Variants in OSBPL2 observed in about 807,000 individuals in gnomAD.
The protein encoded by OSBPL2 is oxysterol binding protein like 2.
OSBPL2 carries 18 observed loss-of-function variants against 58.4 expected under a neutral mutation model. The observed-to-expected ratio is 0.31, with a 90% CI of 0.21 to 0.46. OSBPL2 has a LOEUF of 0.46. Among genes scored for constraint, OSBPL2 ranks in the 20% least tolerant of loss-of-function variants. The probability of loss-of-function intolerance (pLI) is 1.00; values close to 1 mark genes in which losing one functional copy is unlikely to be tolerated. For synonymous variants in OSBPL2, 221 were observed against 234.1 expected, an observed-to-expected ratio of 0.94 and a Z score of 0.51; for missense variants, 461 against 616.5, an observed-to-expected ratio of 0.75 and a Z score of 2.67.
At chr20:62,256,304 G>T (rs1980920138) in intron 2 of OSBPL2, 83 bp downstream of exon 2, 1 of 1,272,390 alleles carries the variant, frequency 7.9e-7, no homozygotes. Context: ...CGTTTGGGGT[G>T]TAAAGATGCT....
intron 4 of OSBPL2, among the ~76,000 whole-genome samples, chr20:62,266,480 T>C (rs563865630): frequency 6.6e-6 from 1 of 152,266 alleles, no homozygotes; most frequent in South Asian, 2.1e-4. Context: ...TCTGCAGTGA[T>C]TGGCTGTGGC....
At chr20:62,254,690 T>C (rs1224286084) in intron 1 of OSBPL2, among the ~76,000 whole-genome samples, 1 of 152,258 alleles carries the variant, frequency 6.6e-6, no homozygotes, top group East Asian at 1.9e-4. Flanking sequence ...CCCTCAGAAC[T>C]GTGCAGAGAG....
chr20:62,239,086 C>T (rs1176214002), intron 1 of OSBPL2: 1 of 152,162 alleles, frequency 6.6e-6, no homozygotes, highest in African/African-American at 2.4e-5. Flanking sequence ...CGAGTTCCGC[C>T]GGGAAGAAGG....
intron 11 of OSBPL2, 137 bp downstream of exon 11, chr20:62,286,848 G>A: frequency 9.7e-7 from 1 of 1,033,228 alleles, no homozygotes; most frequent in Non-Finnish European, 1.4e-6. Context: ...AGCAGACAGG[G>A]GCCTCCGCCA....
Position 62,288,935 on chromosome 20 carries a change from G to C in OSBPL2, c.1126-272G>C, listed in dbSNP as rs1273413719. On this transcript the variant is annotated intron_variant, in intron 11 of 13. Transcript: ENST00000313733. The surrounding 1 kb of genome is among the most constrained non-coding windows in gnomAD (Gnocchi z 4.8). ...TTTCCAGCAAGCTGGTGACAAATCT[G>C]TTGATGAGATTGTAAAGACAGAAAA... is the stretch of plus-strand genomic sequence containing the variant. 1.3e-5 allele frequency among the ~76,000 whole-genome samples: 2 copies of C among 152,144 alleles called. No homozygotes were observed. Among genetic ancestry groups the C allele is most frequent in the Non-Finnish European group, 2.9e-5 (2 of 68,030 alleles).
In OSBPL2 at chr20:62,294,241, G is replaced by A. The variant is rs1408644950; in HGVS notation, c.*354G>A. On this transcript the variant is annotated 3_prime_UTR_variant, in exon 14 of 14. Coordinates refer to ENST00000313733, the MANE Select transcript of OSBPL2 (RefSeq NM_144498.4). ...TAGCTAAAGGAAGTAATGGGAAGGG[G>A]TTCATGTTCTCTTTATAATGCAGTG... The A allele has an allele frequency of 3.5e-6, 1 of 286,332 alleles. No individual in the cohort carries two copies. Among genetic ancestry groups the A allele is most frequent in the African/African-American group, 2.2e-5 (1 of 44,708 alleles). 17.7% of individuals were successfully genotyped at this position (286,332 alleles called of 1,614,324 possible). A position where few individuals can be genotyped will look rare whatever the true frequency, so the allele number is the denominator to read the frequency against.
chr20:62,270,064 T>G (rs1270643007), intron 4 of OSBPL2, among the ~76,000 whole-genome samples: 1 of 152,232 alleles, frequency 6.6e-6, no homozygotes. Context: ...ACGCTGAGTT[T>G]TGGGAACCTC....
At position 62,281,885 on chromosome 20, in the gene OSBPL2, T is replaced by G. The variant is rs1033918464; in HGVS notation, c.872+6T>G. ...GGACACATTCAAGACAAAAAGTAGG[T>G]CCTTGCCAAGTGTTCATGGGGCACC... On this transcript the variant is annotated splice_donor_region_variant and intron_variant, in intron 9 of 13. Coordinates refer to ENST00000313733, the MANE Select transcript of OSBPL2 (RefSeq NM_144498.4). The G allele has an allele frequency of 1.1e-5, 17 of 1,600,378 alleles. No individual in the cohort carries two copies. In the Admixed American group the frequency reaches 2.7e-4, roughly 25 times the overall value.
At chr20:62,286,808 C>G (rs1009460510) in intron 11 of OSBPL2, 97 bp downstream of exon 11, 2 of 1,403,304 alleles carry the variant, frequency 1.4e-6, no homozygotes, top group African/African-American at 2.8e-5. Flanking sequence ...GGGCCCTTGC[C>G]TGCCGCCTCG....
chr20:62,250,798 G>A (rs916647274), intron 1 of OSBPL2, among the ~76,000 whole-genome samples: 4 of 152,040 alleles, frequency 2.6e-5, no homozygotes, highest in Non-Finnish European at 4.4e-5. Context: ...GATGGTGTAC[G>A]CCTGTGGTCC....
chr20:62,266,669 C>T (rs549984686), intron 4 of OSBPL2, among the ~76,000 whole-genome samples: 1 of 152,210 alleles, frequency 6.6e-6, no homozygotes, highest in Non-Finnish European at 1.5e-5. Context: ...TCCACACCCC[C>T]CACTTCTCTC....
chr20:62,294,100 G>A lies in OSBPL2; in HGVS notation c.*213G>A, dbSNP rs1983711820. The A allele has an allele frequency of 7.8e-6, 5 of 638,724 alleles. No individual in the cohort carries two copies. Among genetic ancestry groups the A allele is most frequent in the Non-Finnish European group, 1.3e-5 (5 of 391,992 alleles). 39.6% of individuals were successfully genotyped at this position (638,724 alleles called of 1,614,324 possible). ...GCCGTCTCTTCATAAAGCTTCACTT[G>A]GGATCATCGTCTTCATTAAGGTTTC... On this transcript the variant is annotated 3_prime_UTR_variant, in exon 14 of 14. Coordinates refer to ENST00000313733, the MANE Select transcript of OSBPL2 (RefSeq NM_144498.4).
At chr20:62,273,240 A>T in intron 5 of OSBPL2, 69 bp from the exon 6 acceptor site, 1 of 1,261,222 alleles carries the variant, frequency 7.9e-7, no homozygotes, top group African/African-American at 1.5e-5. Flanking sequence ...CGCCCTCCAC[A>T]AGAGGCCATC....
chr20:62,265,654 G>A (rs935725574), intron 4 of OSBPL2, among the ~76,000 whole-genome samples: 1 of 152,114 alleles, frequency 6.6e-6, no homozygotes, highest in Non-Finnish European at 1.5e-5. Flanking sequence ...CTGTATTTCT[G>A]TATATATCTG....
chr20:62,259,967 C>G lies in OSBPL2; in HGVS notation c.38-14C>G. 1 of 1,604,914 alleles carries G rather than the reference C, an allele frequency of 6.2e-7. No individual in the cohort carries two copies. Among genetic ancestry groups the G allele is most frequent in the Non-Finnish European group, 8.5e-7 (1 of 1,177,112 alleles). ...CAGGTCCAGCGAAAATGACCATTTTCTTGTCTCGCACAGGCTTTGATTCTG... is the reference window on the plus strand; with the variant it reads ...CAGGTCCAGCGAAAATGACCATTTTGTTGTCTCGCACAGGCTTTGATTCTG... On this transcript the variant is annotated splice_polypyrimidine_tract_variant and intron_variant, in intron 2 of 13. Transcript: ENST00000313733.
Position 62,288,528 on chromosome 20 carries a change from G to A in OSBPL2, c.1126-679G>A, listed in dbSNP as rs926758978. On this transcript the variant is annotated intron_variant, in intron 11 of 13. Coordinates refer to ENST00000313733, the MANE Select transcript of OSBPL2 (RefSeq NM_144498.4). This position sits in a 1 kb window ranked among gnomAD's most constrained non-coding sequence, Gnocchi z 4.8. ...GGTGCAGAGGCCGGAGGCTGTGGGTGCAGAGGCTGGGAGGCTGTGGGTGCA... is the reference window on the plus strand; with the variant it reads ...GGTGCAGAGGCCGGAGGCTGTGGGTACAGAGGCTGGGAGGCTGTGGGTGCA... 5.3e-5 allele frequency among the ~76,000 whole-genome samples: 8 copies of A among 150,398 alleles called. No individual in the cohort carries two copies. The highest frequency in any genetic ancestry group is 7.4e-5 in the African/African-American group (3 of 40,760).
intron 3 of OSBPL2, among the ~76,000 whole-genome samples, chr20:62,260,339 T>C (rs1327704067): frequency 6.6e-6 from 1 of 152,158 alleles, no homozygotes; most frequent in African/African-American, 2.4e-5. Context: ...AGATGGCAAT[T>C]TTTTGAGCAG....
chr20:62,270,405 C>G (rs1373186398), intron 4 of OSBPL2, among the ~76,000 whole-genome samples: 1 of 133,150 alleles, frequency 7.5e-6, no homozygotes, highest in Non-Finnish European at 1.6e-5. Flanking sequence ...CTCTCCTTGT[C>G]CCTCTCTGGC....
Position 62,255,997 on chromosome 20 carries a change from A to G in OSBPL2, c.-128-60A>G. The G allele has an allele frequency of 1.3e-5, 7 of 548,434 alleles. No individual in the cohort carries two copies. In the South Asian group the frequency reaches 1.7e-4, roughly 13 times the overall value. 34.0% of individuals were successfully genotyped at this position (548,434 alleles called of 1,614,324 possible). ...TAGGATGGTGAATGGGTATTTTTAAAATGTTTTTAAACCGTGAAACTTCTG... is the reference window on the plus strand; with the variant it reads ...TAGGATGGTGAATGGGTATTTTTAAGATGTTTTTAAACCGTGAAACTTCTG... On this transcript the variant is annotated intron_variant, in intron 1 of 13. Coordinates refer to ENST00000313733, the MANE Select transcript of OSBPL2 (RefSeq NM_144498.4).
Sources: gnomAD v4.1 joint callset for allele counts (sites outside exome capture counted in the v4.1 genomes callset) on GRCh38, gnomAD v4.1.1 for gene constraint, Gnocchi (gnomAD v3.1) non-coding constraint, MANE v1.5 for transcripts, NCBI Gene and HGNC (gene_info 2026-07-23, HGNC 2026-07-21) for gene names.